Variants in BNC2 observed in about 807,000 individuals in gnomAD.
BNC2 encodes the protein basonuclin zinc finger protein 2, also known as zinc finger protein basonuclin-2.
A neutral mutation model predicts 76.3 loss-of-function variants in BNC2; 20 were observed. The ratio of observed to expected loss-of-function variants is 0.26; its 90% confidence interval spans 0.18 to 0.38. The LOEUF (loss-of-function observed/expected upper bound fraction) is 0.38, where lower values mean the gene tolerates loss of function less well. Among genes scored for constraint, BNC2 ranks in the 10% least tolerant of loss-of-function variants. The pLI is 1.00. For synonymous variants in BNC2, 582 were observed against 514.8 expected (o/e 1.13, Z -1.77); for missense variants, 1,382 against 1,399.8 (o/e 0.99, Z 0.20).
intron 3 of BNC2, among the ~76,000 whole-genome samples, chr9:16,678,261 C>CTTTTTCTT (rs1822713300): frequency 1.3e-5 from 1 of 75,888 alleles, no homozygotes; most frequent in African/African-American, 5.3e-5. Context: ...TGTTTTCTTT[C>CTTTTTCTT]TTTTTCTTTT....
intron 5 of BNC2, among the ~76,000 whole-genome samples, chr9:16,539,597 CG>C (rs1818239151): frequency 2.0e-5 from 1 of 51,156 alleles, no homozygotes; most frequent in Non-Finnish European, 3.2e-5. Context: ...AGGGAGGGAG[CG>C]AGGGAGGGAG....
chr9:16,448,242 G>A (rs1277791908), intron 5 of BNC2, among the ~76,000 whole-genome samples: 1 of 152,054 alleles, frequency 6.6e-6, no homozygotes, highest in Non-Finnish European at 1.5e-5. Flanking sequence ...GTAGATAGTT[G>A]AGGCTTTACA....
At chr9:16,838,030 T>C (rs73649047) in intron 1 of BNC2, among the ~76,000 whole-genome samples, 3,211 of 152,270 alleles carry the variant, frequency 0.021, 104 homozygotes, top group African/African-American at 0.074. Context: ...AACCAGATCA[T>C]TCAGATGCCA....
intron 5 of BNC2, among the ~76,000 whole-genome samples, chr9:16,533,373 C>A (rs1460524864): frequency 6.6e-6 from 1 of 152,016 alleles, no homozygotes; most frequent in Non-Finnish European, 1.5e-5. Flanking sequence ...GAGATTCTAG[C>A]CATTACAAAT....
At chr9:16,620,603 A>AT (rs1820838910) in intron 3 of BNC2, among the ~76,000 whole-genome samples, 1 of 152,190 alleles carries the variant, frequency 6.6e-6, no homozygotes, top group Non-Finnish European at 1.5e-5. Flanking sequence ...ACACAAAATG[A>AT]GTATGTAGCA....
chr9:16,690,036 A>G (rs1389227874), intron 3 of BNC2, among the ~76,000 whole-genome samples: 1 of 152,242 alleles, frequency 6.6e-6, no homozygotes, highest in Non-Finnish European at 1.5e-5. Flanking sequence ...CAGTTAAATT[A>G]TATCTCCATT....
chr9:16,646,276 A>C (rs1034787166), intron 3 of BNC2, among the ~76,000 whole-genome samples: 1 of 152,192 alleles, frequency 6.6e-6, no homozygotes, highest in Non-Finnish European at 1.5e-5. Context: ...GTAGTAAAAA[A>C]GTGAAAGTCT....
chr9:16,682,060 T>TG (rs377526159), intron 3 of BNC2, among the ~76,000 whole-genome samples: 8 of 151,966 alleles, frequency 5.3e-5, no homozygotes, highest in Admixed American at 6.6e-5. Context: ...AACTTTTATT[T>TG]GGGGGGATGT....
At chr9:16,635,449 T>C (rs994640895) in intron 3 of BNC2, among the ~76,000 whole-genome samples, 1 of 152,226 alleles carries the variant, frequency 6.6e-6, no homozygotes, top group Admixed American at 6.5e-5. Flanking sequence ...TTTAATATTT[T>C]ATAATACTTT....
chr9:16,722,733 G>A (rs906335278), intron 3 of BNC2, among the ~76,000 whole-genome samples: 4 of 152,148 alleles, frequency 2.6e-5, no homozygotes, highest in African/African-American at 9.7e-5. Context: ...ATACACACCT[G>A]AGAATATGTT....
chr9:16,677,578 AACACACACAC>A (rs57587457), intron 3 of BNC2, among the ~76,000 whole-genome samples: 3 of 139,256 alleles, frequency 2.2e-5, no homozygotes, highest in South Asian at 2.4e-4. Context: ...GTCTCAAACA[AACACACACAC>A]ACACACACAC....
Position 16,412,769 on chromosome 9 carries a change from G to A in BNC2, c.*6220C>T, listed in dbSNP as rs1213326123. The stretch of plus-strand genomic sequence containing the variant: ...AGAGAGAGAGAGAGAGAGAGAGACT[G>A]ACTGATTGTGGATGTGTGTGTACAT... On this transcript the variant is annotated 3_prime_UTR_variant, in exon 7 of 7. Coordinates refer to ENST00000380672, the MANE Select transcript of BNC2 (RefSeq NM_017637.6). The A allele has an allele frequency of 6.8e-6, 1 of 146,564 alleles. No homozygotes were observed. The highest frequency in any genetic ancestry group is 2.6e-5 in the African/African-American group (1 of 38,784). The allele number at this position is 146,564 out of a possible 1,614,324, so 9.1% of individuals were successfully genotyped here.
At chr9:16,600,430 A>G (rs1189079820) in intron 3 of BNC2, among the ~76,000 whole-genome samples, 1 of 152,186 alleles carries the variant, frequency 6.6e-6, no homozygotes, top group Admixed American at 6.5e-5. Flanking sequence ...ATGTCTCCTA[A>G]AAAAGTAAAG....
At chr9:16,732,551 T>A (rs530920117) in intron 2 of BNC2, among the ~76,000 whole-genome samples, 11 of 152,348 alleles carry the variant, frequency 7.2e-5, no homozygotes, top group African/African-American at 2.4e-4. Context: ...TTAACAAGCA[T>A]CTCTAGAACT....
intron 1 of BNC2, among the ~76,000 whole-genome samples, chr9:16,768,128 G>C (rs1355645187): frequency 2.0e-5 from 3 of 151,962 alleles, no homozygotes; most frequent in African/African-American, 7.3e-5. Flanking sequence ...ACCACGCCTG[G>C]CTAATTTTTG....
chr9:16,865,837 T>C (rs948207599), intron 1 of BNC2, among the ~76,000 whole-genome samples: 3 of 152,092 alleles, frequency 2.0e-5, no homozygotes, highest in Non-Finnish European at 4.4e-5. Flanking sequence ...AGAATATGGG[T>C]TCGTAACAAA....
intron 1 of BNC2, among the ~76,000 whole-genome samples, chr9:16,751,672 GTA>G (rs1825211099): frequency 4.9e-5 from 6 of 121,702 alleles, no homozygotes; most frequent in Admixed American, 2.7e-4. Context: ...GTATGTATGT[GTA>G]TATATATATG....
chr9:16,647,050 G>A (rs1483507806), intron 3 of BNC2, among the ~76,000 whole-genome samples: 1 of 152,176 alleles, frequency 6.6e-6, no homozygotes, highest in African/African-American at 2.4e-5. Flanking sequence ...GGAAGACAAA[G>A]AGGAGAATGA....
intron 3 of BNC2, chr9:16,685,583 G>A: frequency 7.7e-7 from 1 of 1,304,258 alleles, no homozygotes; most frequent in South Asian, 1.2e-5. Flanking sequence ...TCCAGGTTTG[G>A]GCAGAAGTCT....
Sources: allele counts gnomAD v4.1 joint callset (sites outside exome capture counted in the v4.1 genomes callset), GRCh38; gene constraint gnomAD v4.1.1; transcripts MANE v1.5; gene names NCBI Gene and HGNC (gene_info 2026-07-23, HGNC 2026-07-21).